BCR: variants seen among roughly 807,000 people sequenced by gnomAD.
BCR encodes the protein breakpoint cluster region protein.
Under a neutral mutation model 138.6 loss-of-function variants are expected in BCR, and 58 were observed. That is an observed-to-expected ratio of 0.42 (90% CI 0.34 to 0.52). The LOEUF (loss-of-function observed/expected upper bound fraction) is 0.52. BCR is among the 20% of genes least tolerant of loss of function. BCR has a pLI of 0.06. For synonymous variants in BCR, 786 were observed against 730.1 expected (o/e 1.08, Z -1.23); for missense variants, 1,599 against 1,727.2 (o/e 0.93, Z 1.32).
intron 2 of BCR, chr22:23,254,531 A>G (rs752935149): frequency 1.2e-5 from 6 of 518,714 alleles, no homozygotes; most frequent in Admixed American, 1.9e-5. Flanking sequence ...CATTCAGTAG[A>G]TGCTCTGCCA....
chr22:23,262,030 A>C (rs1037476943), intron 4 of BCR: 6 of 154,240 alleles, frequency 3.9e-5, no homozygotes, highest in Non-Finnish European at 7.2e-5. Flanking sequence ...CCTTCCGCGT[A>C]GCTGGGGCTA....
chr22:23,309,243 C>T (rs2073982049), intron 16 of BCR, among the ~76,000 whole-genome samples, 181 bp from the exon 17 acceptor site: 1 of 152,140 alleles, frequency 6.6e-6, no homozygotes, highest in Admixed American at 6.5e-5. Flanking sequence ...GCCCTGGGTT[C>T]CAGGGGTGTC....
At position 23,181,653 on chromosome 22, in the gene BCR, C is replaced by A; in HGVS notation, c.693C>A (p.Tyr231Ter). Residue 231 changes from tyrosine to a stop codon, truncating the protein, a stop_gained, in exon 1 of 23, where the codon TAC (tyrosine) becomes TAA (stop). Transcript: ENST00000305877. LOFTEE classifies it high-confidence loss of function. Reference protein sequence around the residue: ...SSVGDASRPPYRGRSSESSCG... With the variant: ...SSVGDASRPP ...TGGGGGATGCATCCAGGCCCCCTTACCGGGGACGCTCCTCGGAGAGCAGCT... is the reference window on the plus strand; with the variant it reads ...TGGGGGATGCATCCAGGCCCCCTTAACGGGGACGCTCCTCGGAGAGCAGCT... 6.2e-7 allele frequency: 1 copy of A among 1,608,904 alleles called. No individual in the cohort carries two copies. The highest frequency in any genetic ancestry group is 8.5e-7 in the Non-Finnish European group (1 of 1,179,874).
chr22:23,233,586 G>A (rs931682832), intron 1 of BCR, among the ~76,000 whole-genome samples: 19 of 152,100 alleles, frequency 1.2e-4, no homozygotes, highest in African/African-American at 4.3e-4. Flanking sequence ...TCAAGAGTTC[G>A]AGACCAGCCT....
intron 4 of BCR, among the ~76,000 whole-genome samples, chr22:23,266,352 G>A (rs2073441221): frequency 6.6e-6 from 1 of 151,426 alleles, no homozygotes; most frequent in African/African-American, 2.4e-5. Context: ...GCCTCCCAAA[G>A]TACTGGGATT....
intron 13 of BCR, chr22:23,290,073 A>T: frequency 1.8e-6 from 1 of 553,402 alleles, no homozygotes; most frequent in Non-Finnish European, 3.3e-6. Flanking sequence ...ATCCCACATC[A>T]CCCCGACCCC....
At chr22:23,249,480 G>T (rs2073198142) in intron 1 of BCR, among the ~76,000 whole-genome samples, 2 of 151,624 alleles carry the variant, frequency 1.3e-5, no homozygotes, top group South Asian at 4.2e-4. Flanking sequence ...TGCACCTGTA[G>T]TCCCAGCTAC....
At chr22:23,193,776 T>C (rs1171531569) in intron 1 of BCR, among the ~76,000 whole-genome samples, 1 of 152,242 alleles carries the variant, frequency 6.6e-6, no homozygotes, top group Non-Finnish European at 1.5e-5. Flanking sequence ...GAATGTCTTC[T>C]CTCACAGGGG....
At chr22:23,226,882 C>T (rs2072900255) in intron 1 of BCR, among the ~76,000 whole-genome samples, 1 of 152,124 alleles carries the variant, frequency 6.6e-6, no homozygotes, top group African/African-American at 2.4e-5. Flanking sequence ...CTCAGTTGCA[C>T]CTGAAAGGGG....
intron 1 of BCR, among the ~76,000 whole-genome samples, chr22:23,226,327 A>AGTGTGT (rs751492915): frequency 1.1e-4 from 5 of 46,180 alleles, no homozygotes; most frequent in South Asian, 7.0e-4. Flanking sequence ...AGAGAGAGAG[A>AGTGTGT]GTGTGTGTGT....
rs185660710 is a variant in BCR at position 23,316,972 on chromosome 22, C to T, written c.*1450C>T. ...GCAAACTGAGAGCCAAGTTTCCACA[C>T]GGTCCTGCAGGAGGAGAGGATGCAG... On this transcript the variant is annotated 3_prime_UTR_variant, in exon 23 of 23. Coordinates refer to ENST00000305877, the MANE Select transcript of BCR (RefSeq NM_004327.4). The T allele has an allele frequency of 2.1e-5, 3 of 139,858 alleles. No individual in the cohort carries two copies. Among genetic ancestry groups the T allele is most frequent in the African/African-American group, 4.0e-5 (1 of 25,266 alleles). The allele number at this position is 139,858 out of a possible 1,614,324, so 8.7% of individuals were successfully genotyped here. A position where few individuals can be genotyped will look rare whatever the true frequency, so the allele number is the denominator to read the frequency against.
At chr22:23,226,005 A>C (rs1602035526) in intron 1 of BCR, among the ~76,000 whole-genome samples, 1 of 152,086 alleles carries the variant, frequency 6.6e-6, no homozygotes, top group South Asian at 2.1e-4. Flanking sequence ...TGGGCTTGGC[A>C]CCCTCCTGTG....
At chr22:23,209,373 C>T (rs1289071961) in intron 1 of BCR, among the ~76,000 whole-genome samples, 1 of 151,622 alleles carries the variant, frequency 6.6e-6, no homozygotes, top group Admixed American at 6.6e-5. Context: ...AAAAAAGAAT[C>T]TCTTTTCTTT....
At position 23,181,765 on chromosome 22, in the gene BCR, C is replaced by T. The variant is rs1288831062; in HGVS notation, c.805C>T (p.Pro269Ser). 3 of 1,605,962 alleles carry T rather than the reference C, an allele frequency of 1.9e-6. No homozygotes were observed. The highest frequency in any genetic ancestry group is 2.5e-6 in the Non-Finnish European group (3 of 1,179,982). ...NLIDANGGSR[P>S]PWPPLEYQPY... ...GATCGACGCCAATGGCGGTAGCAGG[C>T]CCCCTTGGCCGCCCCTGGAGTACCA... The change falls in exon 1 of 23, where the codon CCC (proline) becomes TCC (serine). Residue 269 changes from proline to serine, a missense_variant. Pro to Ser is a moderately conservative substitution (Grantham distance 74). This residue lies in a region of BCR where 806 missense variants were observed against 635.0 expected (regional missense o/e 1.27). Transcript: ENST00000305877.
intron 1 of BCR, among the ~76,000 whole-genome samples, chr22:23,186,433 C>T (rs2072343168): frequency 6.6e-6 from 1 of 152,164 alleles, no homozygotes; most frequent in South Asian, 2.1e-4. Context: ...CATTTTTATC[C>T]ATACAGTTCT....
chr22:23,232,467 C>CT (rs2072970026), intron 1 of BCR, among the ~76,000 whole-genome samples: 1 of 152,228 alleles, frequency 6.6e-6, no homozygotes, highest in Non-Finnish European at 1.5e-5. Context: ...GACCTCAGGC[C>CT]TGTCAGAGAG....
intron 2 of BCR, chr22:23,254,447 C>T (rs912058223): frequency 1.5e-5 from 8 of 516,878 alleles, no homozygotes; most frequent in African/African-American, 1.5e-4. Context: ...CTTTCTGTCA[C>T]TTCCACTTTA....
At chr22:23,307,698 C>T (rs929334015) in intron 16 of BCR, 9 of 151,266 alleles carry the variant, frequency 5.9e-5, no homozygotes, top group African/African-American at 2.2e-4. Context: ...CTTTGCTTCT[C>T]TGTGCCACTC....
At chr22:23,220,816 G>A (rs1419917164) in intron 1 of BCR, among the ~76,000 whole-genome samples, 1 of 152,196 alleles carries the variant, frequency 6.6e-6, no homozygotes, top group Non-Finnish European at 1.5e-5. Flanking sequence ...AGAGAGAGCA[G>A]CCAGTTTGCA....
Sources: allele counts gnomAD v4.1 joint callset (sites outside exome capture counted in the v4.1 genomes callset), GRCh38; gene constraint gnomAD v4.1.1; regional missense constraint gnomAD v4.1.1; transcripts MANE v1.5; gene names NCBI Gene and HGNC (gene_info 2026-07-23, HGNC 2026-07-21).